CHD7: variants seen among roughly 807,000 people sequenced by gnomAD.
The protein encoded by CHD7 is ATP-dependent chromatin remodeler CHD7.
CHD7 carries 24 observed loss-of-function variants against 307.3 expected under a neutral mutation model. The ratio of observed to expected loss-of-function variants is 0.08; its 90% CI spans 0.06 to 0.11. The LOEUF is 0.11. Among genes scored for constraint, CHD7 ranks in the 10% least tolerant of loss-of-function variants. The pLI is 1.00. For synonymous variants in CHD7, 1,363 were observed against 1,349.9 expected (o/e 1.01, Z -0.21); for missense variants, 3,106 against 3,727.1 (o/e 0.83, Z 4.34).
Position 60,866,203 on chromosome 8 carries a change from T to C in CHD7, c.*270T>C, listed in dbSNP as rs1806237624. 3.5e-6 allele frequency: 1 copy of C among 289,280 alleles called. No homozygotes were observed. Among genetic ancestry groups the C allele is most frequent in the Non-Finnish European group, 6.4e-6 (1 of 155,314 alleles). 17.9% of individuals were successfully genotyped at this position (289,280 alleles called of 1,614,324 possible). ...GGAAACTTACATAATGCTCTGCTTT[T>C]TTTTTTTCTCTTGGTACCATTGGTA... is the stretch of plus-strand genomic sequence containing the variant. On this transcript the variant is annotated 3_prime_UTR_variant, in exon 38 of 38. Coordinates refer to ENST00000423902, the MANE Select transcript of CHD7 (RefSeq NM_017780.4).
At chr8:60,784,936 C>T (rs376687024) in intron 3 of CHD7, among the ~76,000 whole-genome samples, 2 of 151,908 alleles carry the variant, frequency 1.3e-5, no homozygotes, top group South Asian at 2.1e-4. Flanking sequence ...TTTTTTGTAT[C>T]GATTTTTCTA....
chr8:60,791,079 T>C (rs1223731354), intron 3 of CHD7, among the ~76,000 whole-genome samples: 1 of 152,196 alleles, frequency 6.6e-6, no homozygotes, highest in Non-Finnish European at 1.5e-5. Context: ...AGACATTATA[T>C]GTAGAGGTTT....
intron 2 of CHD7, among the ~76,000 whole-genome samples, chr8:60,777,443 A>G (rs899641869): frequency 6.6e-6 from 1 of 152,226 alleles, no homozygotes; most frequent in African/African-American, 2.4e-5. Context: ...TTAAGCCAGA[A>G]AATGCTGATG....
intron 4 of CHD7, among the ~76,000 whole-genome samples, chr8:60,799,474 C>T (rs1812192602): frequency 6.6e-6 from 1 of 152,144 alleles, no homozygotes; most frequent in South Asian, 2.1e-4. Flanking sequence ...AATTACTGTC[C>T]ATAGTCATTC....
At position 60,801,516 on chromosome 8, in the gene CHD7, CTT is replaced by C; in HGVS notation, c.2377-4_2377-3del. 2 of 1,520,022 alleles carry C rather than the reference CTT, an allele frequency of 1.3e-6. No individual in the cohort carries two copies. The allele number at this position is 1,520,022 out of a possible 1,614,324, so 94.2% of individuals were successfully genotyped here. A position where few individuals can be genotyped will look rare whatever the true frequency, so the allele number is the denominator to read the frequency against. On this transcript the variant is annotated splice_polypyrimidine_tract_variant and intron_variant, in intron 5 of 37. Transcript: ENST00000423902. ...TTTCTATTTGGATTGATGCACATGC[CTT>C]TTTTTTTAGGAATCTGTTGATGCAG...
intron 1 of CHD7, among the ~76,000 whole-genome samples, chr8:60,683,336 A>C (rs1459554040): frequency 6.6e-6 from 1 of 152,234 alleles, no homozygotes; most frequent in Non-Finnish European, 1.5e-5. Flanking sequence ...GATTTATTTC[A>C]ATTTGGGTAT....
chr8:60,732,901 T>G (rs1175859605), intron 1 of CHD7, among the ~76,000 whole-genome samples: 1 of 152,182 alleles, frequency 6.6e-6, no homozygotes, highest in Non-Finnish European at 1.5e-5. Flanking sequence ...CTTCATTTGA[T>G]TTTCTTCTCT....
At chr8:60,835,507 A>C (rs530898748) in intron 15 of CHD7, among the ~76,000 whole-genome samples, 1 of 152,354 alleles carries the variant, frequency 6.6e-6, no homozygotes, top group South Asian at 2.1e-4. Flanking sequence ...TTGTATGCTT[A>C]GGTCCCCCAC....
chr8:60,746,826 A>G (rs1189623518), intron 2 of CHD7, among the ~76,000 whole-genome samples: 2 of 152,218 alleles, frequency 1.3e-5, no homozygotes, highest in African/African-American at 2.4e-5. Flanking sequence ...GTATATGGAC[A>G]TTTCTTTAAT....
At chr8:60,692,539 G>A (rs994985603) in intron 1 of CHD7, among the ~76,000 whole-genome samples, 1 of 152,190 alleles carries the variant, frequency 6.6e-6, no homozygotes. Context: ...ATCTTAAAAG[G>A]TAATTTAGTG....
intron 1 of CHD7, among the ~76,000 whole-genome samples, chr8:60,685,703 T>G (rs1365298202): frequency 6.6e-6 from 1 of 152,208 alleles, no homozygotes; most frequent in Non-Finnish European, 1.5e-5. Flanking sequence ...ATAAACCAGT[T>G]TAATAAGTAA....
chr8:60,714,067 G>A (rs953678818), intron 1 of CHD7, among the ~76,000 whole-genome samples: 1 of 151,934 alleles, frequency 6.6e-6, no homozygotes, highest in Admixed American at 6.6e-5. Flanking sequence ...TAGGGGGAGC[G>A]CTGGGGCAGA....
At chr8:60,730,033 C>A (rs1448007310) in intron 1 of CHD7, among the ~76,000 whole-genome samples, 1 of 152,134 alleles carries the variant, frequency 6.6e-6, no homozygotes, top group African/African-American at 2.4e-5. Flanking sequence ...AGAAGCATGT[C>A]ATTACAGTCA....
intron 34 of CHD7, among the ~76,000 whole-genome samples, chr8:60,859,425 A>G (rs1277457391): frequency 6.6e-6 from 1 of 152,234 alleles, no homozygotes; most frequent in African/African-American, 2.4e-5. Flanking sequence ...GAGTCAAAAA[A>G]TACAGTCCTG....
intron 1 of CHD7, among the ~76,000 whole-genome samples, chr8:60,704,174 T>G (rs890347874): frequency 1.3e-5 from 2 of 152,202 alleles, no homozygotes; most frequent in South Asian, 4.1e-4. Flanking sequence ...TCCCAAGTTA[T>G]TGGCTATAGA....
intron 1 of CHD7, 35 bp downstream of exon 1, chr8:60,679,117 GGGCGGC>G (rs757833708): frequency 2.6e-5 from 4 of 155,638 alleles, no homozygotes; most frequent in Non-Finnish European, 5.5e-5. Flanking sequence ...CCCCCGGGAG[GGGCGGC>G]GGCGGCGGCG....
chr8:60,761,110 A>T (rs1448169095), intron 2 of CHD7, among the ~76,000 whole-genome samples: 1 of 151,922 alleles, frequency 6.6e-6, no homozygotes, highest in Non-Finnish European at 1.5e-5. Context: ...CGACAATGAT[A>T]GATTGGATTA....
At chr8:60,856,380 G>T in intron 33 of CHD7, 65 bp from the exon 34 acceptor site, 1 of 1,447,372 alleles carries the variant, frequency 6.9e-7, no homozygotes, top group Admixed American at 2.5e-5. Context: ...ATTTCTAAAA[G>T]CCAGCCCATA....
intron 1 of CHD7, among the ~76,000 whole-genome samples, chr8:60,720,220 A>G (rs922377581): frequency 1.3e-5 from 2 of 152,260 alleles, no homozygotes; most frequent in Admixed American, 1.3e-4. Flanking sequence ...GGGTCATTTC[A>G]GTGTTTCACT....
Sources: allele counts gnomAD v4.1 joint callset (sites outside exome capture counted in the v4.1 genomes callset), GRCh38; gene constraint gnomAD v4.1.1; transcripts MANE v1.5; gene names NCBI Gene and HGNC (gene_info 2026-07-23, HGNC 2026-07-21).